Variants in TRIM8 observed in about 807,000 individuals in gnomAD.
TRIM8 encodes E3 ubiquitin-protein ligase TRIM8.
In TRIM8, 9 loss-of-function variants were observed where a neutral mutation model predicts 55.7. The observed-to-expected ratio is 0.16, with a 90% confidence interval of 0.10 to 0.28. TRIM8 has a LOEUF of 0.28. Ranked by LOEUF, TRIM8 falls within the 10% of genes least tolerant of loss-of-function variation. The pLI is 1.00. For missense variants in TRIM8, 556 were observed against 736.4 expected (o/e 0.76, Z 2.83); for synonymous variants, 335 against 333.3 (o/e 1.01, Z -0.06).
At chr10:102,652,822 A>C (rs2063995537) in intron 1 of TRIM8, among the ~76,000 whole-genome samples, 1 of 134,218 alleles carries the variant, frequency 7.5e-6, no homozygotes, top group Non-Finnish European at 1.6e-5. Flanking sequence ...TTTTTTTTTG[A>C]GACAGACTTT....
chr10:102,654,743 G>A lies in TRIM8; in HGVS notation c.661G>A (p.Val221Met). The change falls in exon 2 of 6, where the codon GTG (valine) becomes ATG (methionine). Residue 221 changes from valine to methionine, a missense_variant. By Grantham distance (21) the Val-to-Met change is conservative. This residue lies in a region of TRIM8 where 391 missense variants were observed against 441.0 expected (regional missense o/e 0.89). Transcript: ENST00000643721. ...LYKLESDKRL[V>M]EEKVNQLKEE... ...CAAACTCGAGTCAGACAAGCGCCTG[G>A]TGGAGGTAGCTAAGCCCAAGGCCAT... 6.2e-7 allele frequency: 1 copy of A among 1,613,878 alleles called. No individual in the cohort carries two copies. The highest frequency in any genetic ancestry group is 8.5e-7 in the Non-Finnish European group (1 of 1,179,702).
chr10:102,651,542 A>G (rs996688754), intron 1 of TRIM8, among the ~76,000 whole-genome samples: 6 of 152,206 alleles, frequency 3.9e-5, no homozygotes, highest in Admixed American at 1.3e-4. Context: ...ACTCACCTGA[A>G]TCCTCCCTGA....
intron 1 of TRIM8, among the ~76,000 whole-genome samples, chr10:102,649,033 G>GGTGTGTGTGTGTGT (rs58956109): frequency 1.3e-5 from 2 of 151,072 alleles, no homozygotes; most frequent in Non-Finnish European, 3.0e-5. Flanking sequence ...TCTGTCTGCA[G>GGTGTGTGTGTGTGT]GTGTGTGTGT....
At position 102,656,205 on chromosome 10, in the gene TRIM8, G is replaced by A. The variant is rs2135984317; in HGVS notation, c.933-65G>A. 3 of 1,614,062 alleles carry A rather than the reference G, an allele frequency of 1.9e-6. No homozygotes were observed. The highest frequency in any genetic ancestry group is 1.1e-5 in the South Asian group (1 of 91,070). On this transcript the variant is annotated intron_variant, in intron 4 of 5. Transcript: ENST00000643721. This position sits in a 1 kb window ranked among gnomAD's most constrained non-coding sequence, Gnocchi z 4.6. Reference sequence around the variant, plus strand: ...AGGGCAGGGGGGCCAGGCCCATGGCGGGGAGGTAGGGCGGGCTCACCGGTG... The same window carrying A: ...AGGGCAGGGGGGCCAGGCCCATGGCAGGGAGGTAGGGCGGGCTCACCGGTG...
Position 102,644,504 on chromosome 10 carries a change from T to C in TRIM8, c.-114T>C, listed in dbSNP as rs2063917152. On this transcript the variant is annotated 5_prime_UTR_variant, in exon 1 of 6. Coordinates refer to ENST00000643721, the MANE Select transcript of TRIM8 (RefSeq NM_030912.3). Reference sequence around the variant, plus strand: ...GAAGGCGCTGCTGACTGAGCGACCGTCGGGGCCGGCTGGGGCCGGAGCTCG... The same window carrying C: ...GAAGGCGCTGCTGACTGAGCGACCGCCGGGGCCGGCTGGGGCCGGAGCTCG... 1 of 1,024,298 alleles carries C rather than the reference T, an allele frequency of 9.8e-7. No homozygotes were observed. The highest frequency in any genetic ancestry group is 1.4e-6 in the Non-Finnish European group (1 of 739,588). 63.5% of individuals were successfully genotyped at this position (1,024,298 alleles called of 1,614,324 possible).
Position 102,656,532 on chromosome 10 carries a change from G to C in TRIM8, c.1048+147G>C. 1 of 1,374,986 alleles carries C rather than the reference G, an allele frequency of 7.3e-7. No homozygotes were observed. Among genetic ancestry groups the C allele is most frequent in the Non-Finnish European group, 9.7e-7 (1 of 1,026,466 alleles). The allele number at this position is 1,374,986 out of a possible 1,614,324, so 85.2% of individuals were successfully genotyped here. A position where few individuals can be genotyped will look rare whatever the true frequency, so the allele number is the denominator to read the frequency against. On this transcript the variant is annotated intron_variant, in intron 5 of 5. Transcript: ENST00000643721. The surrounding 1 kb of genome is among the most constrained non-coding windows in gnomAD (Gnocchi z 4.6). ...TTGCCACTTGTAGCTGTGGGACAGT[G>C]GGTAAGCAACATGACCTCCCCAGCC...
At position 102,645,063 on chromosome 10, in the gene TRIM8, A is replaced by T; in HGVS notation, c.446A>T (p.Asn149Ile). 1 of 1,556,862 alleles carries T rather than the reference A, an allele frequency of 6.4e-7. No homozygotes were observed. ...DVRAWSCPQH[N>I]AYRLYHCEAE... ...CGGGCCTGGAGCTGCCCGCAGCACA[A>T]CGCCTACCGCCTCTACCACTGCGAG... Residue 149 changes from asparagine (N) to isoleucine (I), a missense_variant, in exon 1 of 6, where the codon AAC (asparagine) becomes ATC (isoleucine). Physicochemically the swap from Asn to Ile is moderately radical, Grantham distance 149 (BLOSUM62 -3). This residue lies in a region of TRIM8 where 165 missense variants were observed against 295.3 expected (regional missense o/e 0.56). Coordinates refer to ENST00000643721, the MANE Select transcript of TRIM8 (RefSeq NM_030912.3).
chr10:102,648,324 G>A (rs1297545046), intron 1 of TRIM8, among the ~76,000 whole-genome samples: 1 of 152,204 alleles, frequency 6.6e-6, no homozygotes, highest in African/African-American at 2.4e-5. Context: ...CCGGTTGCAT[G>A]TGTGAGGGGC....
In TRIM8 at chr10:102,656,722, C is replaced by T. The variant is rs2064028301; in HGVS notation, c.1049-25C>T. The T allele has an allele frequency of 1.3e-6, 2 of 1,506,614 alleles. No individual in the cohort carries two copies. Among genetic ancestry groups the T allele is most frequent in the East Asian group, 2.3e-5 (1 of 43,536 alleles). The allele number at this position is 1,506,614 out of a possible 1,614,324, so 93.3% of individuals were successfully genotyped here. On this transcript the variant is annotated intron_variant, in intron 5 of 5. Coordinates refer to ENST00000643721, the MANE Select transcript of TRIM8 (RefSeq NM_030912.3). The surrounding 1 kb of genome is among the most constrained non-coding windows in gnomAD (Gnocchi z 4.6). ...GGGTTGCTTGGGGTGGGAGCTTTGG[C>T]GACTTTTGCCCCAACTCTCCACAGG...
At chr10:102,654,904 A>G in intron 2 of TRIM8, 156 bp downstream of exon 2, 6 of 912,042 alleles carry the variant, frequency 6.6e-6, no homozygotes, top group Non-Finnish European at 1.1e-5. Context: ...GTGCCAGGGG[A>G]TGCTGGCCCA....
intron 2 of TRIM8, 64 bp from the exon 3 acceptor site, chr10:102,655,016 G>C: frequency 6.4e-7 from 1 of 1,559,760 alleles, no homozygotes; most frequent in East Asian, 2.2e-5. Context: ...AAGGGTAAGA[G>C]GGGGGGAAAC....
At position 102,645,232 on chromosome 10, in the gene TRIM8, C is replaced by T. The variant is rs779438905; in HGVS notation, c.570+45C>T. 7.5e-5 allele frequency: 110 copies of T among 1,466,342 alleles called. 1 individual carries two copies. The highest frequency in any genetic ancestry group is 5.4e-6 in the Non-Finnish European group (6 of 1,113,682). The allele number at this position is 1,466,342 out of a possible 1,614,324, so 90.8% of individuals were successfully genotyped here. The stretch of plus-strand genomic sequence containing the variant: ...GCGCGCACACACACACACACAGACA[C>T]ACAGTCCCTTCCTCTCTCCCGCCCC... On this transcript the variant is annotated intron_variant, in intron 1 of 5. Coordinates refer to ENST00000643721, the MANE Select transcript of TRIM8 (RefSeq NM_030912.3).
chr10:102,650,355 G>A (rs538282908), intron 1 of TRIM8, among the ~76,000 whole-genome samples: 3 of 152,276 alleles, frequency 2.0e-5, no homozygotes, highest in Admixed American at 2.0e-4. Flanking sequence ...AGGAAGCAGC[G>A]GCAAAGCTGA....
At chr10:102,651,085 ACC>A (rs1564720170) in intron 1 of TRIM8, among the ~76,000 whole-genome samples, 1 of 151,912 alleles carries the variant, frequency 6.6e-6, no homozygotes, top group Non-Finnish European at 1.5e-5. Context: ...CCTGGCTGGC[ACC>A]CCCTGGCCAG....
chr10:102,656,699 G>T lies in TRIM8; in HGVS notation c.1049-48G>T. Reference sequence around the variant, plus strand: ...TCCAACCCAGGGAGAGGAGGCCTGGGTTGCTTGGGGTGGGAGCTTTGGCGA... The same window carrying T: ...TCCAACCCAGGGAGAGGAGGCCTGGTTTGCTTGGGGTGGGAGCTTTGGCGA... On this transcript the variant is annotated intron_variant, in intron 5 of 5. Transcript: ENST00000643721. The surrounding 1 kb of genome is among the most constrained non-coding windows in gnomAD (Gnocchi z 4.6). 1 of 1,507,094 alleles carries T rather than the reference G, an allele frequency of 6.6e-7. No homozygotes were observed. Among genetic ancestry groups the T allele is most frequent in the Non-Finnish European group, 8.8e-7 (1 of 1,130,022 alleles). 93.4% of individuals were successfully genotyped at this position (1,507,094 alleles called of 1,614,324 possible).
intron 1 of TRIM8, among the ~76,000 whole-genome samples, chr10:102,652,030 C>T (rs555414990): frequency 6.6e-6 from 1 of 152,276 alleles, no homozygotes; most frequent in South Asian, 2.1e-4. Flanking sequence ...CGGGCTCTGA[C>T]CCTTGGGCTG....
chr10:102,644,674 G>C lies in TRIM8; in HGVS notation c.57G>C (p.Leu19=), dbSNP rs1184590286. The change falls in exon 1 of 6, where the codon CTG becomes CTC. Residue 19 remains leucine, a synonymous_variant. Transcript: ENST00000643721. ...AGGAGCTCATCTGCCCTATCTGCCT[G>C]CACGTTTTCGTGGAGCCAGTGCAGC... ...FEEELICPIC[L]HVFVEPVQLP... is the part of the protein sequence containing the mutation. The C allele has an allele frequency of 6.2e-7, 1 of 1,613,514 alleles. No homozygotes were observed. Among genetic ancestry groups the C allele is most frequent in the Admixed American group, 1.7e-5 (1 of 60,018 alleles).
Position 102,657,481 on chromosome 10 carries a change from C to T in TRIM8, c.*127C>T, listed in dbSNP as rs2064037545. On this transcript the variant is annotated 3_prime_UTR_variant, in exon 6 of 6. Transcript: ENST00000643721. ...TCTTCCTCATTCCATTGCCCCAGGT[C>T]TTTTCCTTTTGGATTTTGTTTTGGT... The T allele has an allele frequency of 2.5e-6, 3 of 1,205,236 alleles. No individual in the cohort carries two copies. Among genetic ancestry groups the T allele is most frequent in the Non-Finnish European group, 3.4e-6 (3 of 890,882 alleles). The allele number at this position is 1,205,236 out of a possible 1,614,324, so 74.7% of individuals were successfully genotyped here. A position where few individuals can be genotyped will look rare whatever the true frequency, so the allele number is the denominator to read the frequency against.
intron 1 of TRIM8, 80 bp from the exon 2 acceptor site, chr10:102,654,572 TG>T: frequency 9.3e-7 from 1 of 1,080,106 alleles, no homozygotes; most frequent in Non-Finnish European, 1.4e-6. Flanking sequence ...ATCCATAGGA[TG>T]CATGTGTTGT....
Sources: gnomAD v4.1 joint callset for allele counts (sites outside exome capture counted in the v4.1 genomes callset) on GRCh38, gnomAD v4.1.1 for gene constraint, gnomAD v4.1.1 regional missense constraint, Gnocchi (gnomAD v3.1) non-coding constraint, MANE v1.5 for transcripts, NCBI Gene and HGNC (gene_info 2026-07-23, HGNC 2026-07-21) for gene names.